The following CNTNAP2 variants were observed in gnomAD, a reference collection of about 807,000 sequenced individuals.
CNTNAP2 encodes the protein contactin-associated protein-like 2.
In CNTNAP2, 98 loss-of-function variants were observed where a neutral mutation model predicts 155.2. The ratio of observed to expected loss-of-function variants is 0.63; its 90% CI spans 0.54 to 0.75. CNTNAP2 has a LOEUF of 0.75. CNTNAP2 is among the 30% of genes least tolerant of loss of function. The pLI, the probability that CNTNAP2 is intolerant of heterozygous loss-of-function variation, is 0.00. For missense variants in CNTNAP2, 1,727 were observed against 1,688.1 expected, an observed-to-expected ratio of 1.02 and a Z score of -0.40; for synonymous variants, 651 against 631.2, an observed-to-expected ratio of 1.03 and a Z score of -0.47.
At chr7:148,381,007 C>T (rs545513106) in intron 21 of CNTNAP2, among the ~76,000 whole-genome samples, 13 of 152,368 alleles carry the variant, frequency 8.5e-5, no homozygotes, top group East Asian at 3.9e-4. Flanking sequence ...CAGGAGCAAA[C>T]GCCACTCACT....
At chr7:147,832,583 A>C (rs12540851) in intron 13 of CNTNAP2, among the ~76,000 whole-genome samples, 6,319 of 145,784 alleles carry the variant, frequency 0.043, 247 homozygotes, top group Admixed American at 0.12. Context: ...AAATATATTG[A>C]AATATATATT....
At chr7:147,268,459 A>G (rs973671737) in intron 8 of CNTNAP2, among the ~76,000 whole-genome samples, 1 of 152,130 alleles carries the variant, frequency 6.6e-6, no homozygotes, top group Non-Finnish European at 1.5e-5. Context: ...GGAGTTGAAT[A>G]ATGAGAACAC....
chr7:146,682,893 G>A (rs1175210817), intron 1 of CNTNAP2, among the ~76,000 whole-genome samples: 1 of 152,046 alleles, frequency 6.6e-6, no homozygotes, highest in Non-Finnish European at 1.5e-5. Context: ...GTTTCATCCT[G>A]GTAGTAATTT....
chr7:147,125,455 T>C (rs1801212943), intron 6 of CNTNAP2, among the ~76,000 whole-genome samples: 4 of 152,190 alleles, frequency 2.6e-5, no homozygotes, highest in Admixed American at 2.0e-4. Context: ...TGTGGTGATA[T>C]ATACGTGCAC....
At chr7:147,633,079 G>A (rs546456059) in intron 12 of CNTNAP2, among the ~76,000 whole-genome samples, 3 of 152,344 alleles carry the variant, frequency 2.0e-5, no homozygotes, top group Middle Eastern at 6.8e-3. Context: ...CCCATCACAG[G>A]CCCAGAGGCC....
rs184748186 is a variant in CNTNAP2, at chr7:146,246,397, T to C, written c.97+129424T>C. ...GGCAGGTGGGGATAACTAAAAGGAG[T>C]GCTTAAAAGAGTATTGTCTAAGTTG... is the stretch of plus-strand genomic sequence containing the variant. On this transcript the variant is annotated intron_variant, in intron 1 of 23. Transcript: ENST00000361727. 7.3e-3 allele frequency among the ~76,000 whole-genome samples: 1,097 copies of C among 149,962 alleles called. 9 individuals carry two copies. The highest frequency in any genetic ancestry group is 0.02 in the East Asian group (100 of 5,122).
At chr7:148,061,543 C>T (rs1158123283) in intron 15 of CNTNAP2, among the ~76,000 whole-genome samples, 2 of 151,898 alleles carry the variant, frequency 1.3e-5, no homozygotes, top group South Asian at 2.1e-4. Flanking sequence ...TTAGTAGAGA[C>T]GAGGTTTCAC....
chr7:146,885,928 GGTGTGTGTGTGTGTGTGTGTGTGTGT>G, intron 3 of CNTNAP2, among the ~76,000 whole-genome samples: 1 of 141,942 alleles, frequency 7.0e-6, no homozygotes, highest in Admixed American at 7.0e-5. Flanking sequence ...TATGTAAGTC[GGTGTGTGTGTGTGTGTGTGTGTGTGT>G]GTGTGTGTGT....
intron 15 of CNTNAP2, among the ~76,000 whole-genome samples, chr7:148,112,868 T>TA (rs71527879): frequency 1.2e-3 from 184 of 149,962 alleles, no homozygotes; most frequent in East Asian, 4.9e-3. Flanking sequence ...TTTTTTTTTT[T>TA]AAAAAAAAAT....
At chr7:147,144,311 A>G (rs1295267936) in intron 8 of CNTNAP2, among the ~76,000 whole-genome samples, 1 of 152,104 alleles carries the variant, frequency 6.6e-6, no homozygotes, top group African/African-American at 2.4e-5. Context: ...GGAGAAGTAA[A>G]TTTCACCCCC....
intron 13 of CNTNAP2, among the ~76,000 whole-genome samples, chr7:147,781,869 A>T (rs951888877): frequency 6.6e-6 from 1 of 152,026 alleles, no homozygotes; most frequent in African/African-American, 2.4e-5. Context: ...TACAAATACA[A>T]AAAATTAGCT....
At chr7:146,883,597 C>T (rs552880260) in intron 3 of CNTNAP2, among the ~76,000 whole-genome samples, 2 of 152,280 alleles carry the variant, frequency 1.3e-5, no homozygotes, top group East Asian at 3.9e-4. Context: ...TTAAGTGTTT[C>T]TGTCTCTGCT....
At chr7:147,126,968 T>A (rs2129284048) in intron 6 of CNTNAP2, among the ~76,000 whole-genome samples, 1 of 152,238 alleles carries the variant, frequency 6.6e-6, no homozygotes, top group South Asian at 2.1e-4. Flanking sequence ...TAAGGATAAT[T>A]TGAATCCCCT....
At chr7:148,313,836 C>T (rs994804479) in intron 21 of CNTNAP2, among the ~76,000 whole-genome samples, 8 of 152,008 alleles carry the variant, frequency 5.3e-5, no homozygotes, top group South Asian at 2.1e-4. Context: ...GGCTATAAAG[C>T]GTCTCAGGGT....
rs370136291 is a variant in CNTNAP2, at chr7:147,152,612, GT to G, written c.1348+20106del. Among the ~76,000 whole-genome samples the G allele has an allele frequency of 2.8e-4, 43 of 152,132 alleles. No homozygotes were observed. In the East Asian group the frequency reaches 4.5e-3, roughly 16 times the overall value. On this transcript the variant is annotated intron_variant, in intron 8 of 23. Coordinates refer to ENST00000361727, the MANE Select transcript of CNTNAP2 (RefSeq NM_014141.6). ...CAATAATCAATACCTCAAGTAATGT[GT>G]TTACAGTATAGTTGAGGAGATAACT...
chr7:146,608,025 A>G (rs1006836953), intron 1 of CNTNAP2, among the ~76,000 whole-genome samples: 1 of 152,354 alleles, frequency 6.6e-6, no homozygotes, highest in Admixed American at 6.5e-5. Flanking sequence ...TTAAAAGGAC[A>G]TAAAAACCCC....
chr7:146,241,837 CAA>C lies in CNTNAP2; in HGVS notation c.97+124866_97+124867del, dbSNP rs537246722. Among the ~76,000 whole-genome samples, 79 of 140,390 alleles carry C rather than the reference CAA, an allele frequency of 5.6e-4. 1 individual carries two copies. The highest frequency in any genetic ancestry group is 2.3e-3 in the African/African-American group (71 of 31,156). The allele number at this position is 140,390 out of a possible 152,430, so 92.1% of individuals were successfully genotyped here. On this transcript the variant is annotated intron_variant, in intron 1 of 23. Coordinates refer to ENST00000361727, the MANE Select transcript of CNTNAP2 (RefSeq NM_014141.6). ...ATATATACCTATACACACACACACACAAACACACACGCACACACACAAACATA... is the reference window on the plus strand; with the variant it reads ...ATATATACCTATACACACACACACACACACACACGCACACACACAAACATA...
At chr7:146,174,908 C>T (rs1798448165) in intron 1 of CNTNAP2, among the ~76,000 whole-genome samples, 1 of 152,064 alleles carries the variant, frequency 6.6e-6, no homozygotes, top group African/African-American at 2.4e-5. Context: ...TTACATATTT[C>T]CTGGACAAAT....
rs1033035676 is a variant in CNTNAP2 at position 148,301,253 on chromosome 7, C to T, written c.3475+34127C>T. Among the ~76,000 whole-genome samples the T allele has an allele frequency of 4.7e-5, 7 of 147,914 alleles. No homozygotes were observed. In the Admixed American group the frequency reaches 4.8e-4, roughly 10 times the overall value. ...AGGTTGTAGTTAGCCAAGATCATGC[C>T]ACTTCACTTCAGCCTGGGTGACAAG... On this transcript the variant is annotated intron_variant, in intron 21 of 23. Coordinates refer to ENST00000361727, the MANE Select transcript of CNTNAP2 (RefSeq NM_014141.6).
Sources: allele counts gnomAD v4.1 joint callset (sites outside exome capture counted in the v4.1 genomes callset), GRCh38; gene constraint gnomAD v4.1.1; transcripts MANE v1.5; gene names NCBI Gene and HGNC (gene_info 2026-07-23, HGNC 2026-07-21).